Variants in ATP8B4 observed in about 807,000 individuals in gnomAD.
ATP8B4 encodes the protein probable phospholipid-transporting ATPase IM.
A neutral mutation model predicts 145.6 loss-of-function variants in ATP8B4; 133 were observed. That is an observed-to-expected ratio of 0.91 (90% confidence interval 0.79 to 1.05). The LOEUF is 1.05. Ranked by LOEUF, ATP8B4 falls within the 50% of genes least tolerant of loss-of-function variation. ATP8B4 has a pLI of 0.00. For synonymous variants in ATP8B4, 507 were observed against 492.9 expected (o/e 1.03, Z -0.38); for missense variants, 1,458 against 1,425.2 (o/e 1.02, Z -0.37).
chr15:50,007,972 G>A (rs1451401340), intron 7 of ATP8B4, among the ~76,000 whole-genome samples: 5 of 152,168 alleles, frequency 3.3e-5, no homozygotes, highest in Non-Finnish European at 7.3e-5. Context: ...ACATTTGTAG[G>A]AGTCAAACAG....
At chr15:49,990,106 T>C (rs2046933526) in intron 9 of ATP8B4, among the ~76,000 whole-genome samples, 1 of 152,108 alleles carries the variant, frequency 6.6e-6, no homozygotes, top group Non-Finnish European at 1.5e-5. Flanking sequence ...CGGGGCTTAG[T>C]TTGGCCTAAA....
intron 16 of ATP8B4, among the ~76,000 whole-genome samples, chr15:49,925,512 G>A (rs1884895802): frequency 6.6e-6 from 1 of 152,080 alleles, no homozygotes; most frequent in African/African-American, 2.4e-5. Context: ...GTTCCCTAAG[G>A]TTCCCTGGAC....
At chr15:50,168,012 G>A (rs62020290) in intron 1 of ATP8B4, among the ~76,000 whole-genome samples, 45 of 151,724 alleles carry the variant, frequency 3.0e-4, no homozygotes, top group Non-Finnish European at 5.3e-4. Flanking sequence ...AATTCCATAG[G>A]AATAAATGAG....
At chr15:49,861,473 T>TCTATCTAC (rs1285604644) in intron 27 of ATP8B4, among the ~76,000 whole-genome samples, 137 of 135,680 alleles carry the variant, frequency 1.0e-3, no homozygotes, top group African/African-American at 2.5e-3. Flanking sequence ...TATCTATCTA[T>TCTATCTAC]CTACCTACCT....
chr15:50,066,803 T>G (rs2053414087), intron 3 of ATP8B4, among the ~76,000 whole-genome samples: 1 of 152,002 alleles, frequency 6.6e-6, no homozygotes, highest in African/African-American at 2.4e-5. Context: ...GTTTGTGGGG[T>G]TTTTTTCTGC....
At chr15:50,164,653 C>T (rs555322018) in intron 1 of ATP8B4, among the ~76,000 whole-genome samples, 1 of 152,296 alleles carries the variant, frequency 6.6e-6, no homozygotes, top group African/African-American at 2.4e-5. Context: ...GGCTCTAAGC[C>T]CAGGACAGTA....
intron 12 of ATP8B4, among the ~76,000 whole-genome samples, chr15:49,973,299 C>G (rs1434187590): frequency 6.6e-6 from 1 of 152,160 alleles, no homozygotes; most frequent in East Asian, 1.9e-4. Flanking sequence ...GTTTGCACTC[C>G]TTTGAGAATC....
intron 24 of ATP8B4, among the ~76,000 whole-genome samples, chr15:49,877,873 T>C (rs1247874596): frequency 1.3e-5 from 2 of 152,188 alleles, no homozygotes; most frequent in African/African-American, 4.8e-5. Context: ...ATAGCAATAA[T>C]GTAGCAACCT....
rs758342994 is a variant in ATP8B4 at position 49,901,102 on chromosome 15, C to T, written c.2279G>A (p.Gly760Asp). Residue 760 changes from glycine to aspartate, a missense_variant, in exon 21 of 28, where the codon GGC (glycine) becomes GAC (aspartate). Gly to Asp is a moderately conservative substitution (Grantham distance 94). Transcript: ENST00000284509. ...CTTAGGCAAACTCACCAAACTGTGG[C>T]CATTTATGATTAAGGCATAATCTCC... is the stretch of plus-strand genomic sequence containing the variant. Reference protein sequence around the residue: ...ITGDYALIINGHSLAHALESD... With the variant: ...ITGDYALIINDHSLAHALESD... 6.8e-6 allele frequency: 11 copies of T among 1,612,238 alleles called. No homozygotes were observed. The Admixed American group carries it at 1.7e-4, about 25-fold the overall frequency.
rs944154614 is a variant in ATP8B4, at chr15:49,863,194, C to A, written c.3167-819G>T. Among the ~76,000 whole-genome samples the A allele has an allele frequency of 5.5e-4, 83 of 152,260 alleles. 1 individual carries two copies. The highest frequency in any genetic ancestry group is 1.8e-3 in the African/African-American group (73 of 41,554). ...CCTGCCTCAGAGGAACTTGTTATTT[C>A]TCTATTGTTCACTTGGTTATGAAGT... On this transcript the variant is annotated intron_variant, in intron 26 of 27. Transcript: ENST00000284509.
At chr15:49,880,928 T>C (rs892311307) in intron 23 of ATP8B4, among the ~76,000 whole-genome samples, 2 of 151,630 alleles carry the variant, frequency 1.3e-5, no homozygotes, top group East Asian at 1.9e-4. Flanking sequence ...CTGGCTAACA[T>C]GGTGAAACCC....
At chr15:50,112,064 T>C (rs2056974383) in intron 1 of ATP8B4, among the ~76,000 whole-genome samples, 1 of 152,104 alleles carries the variant, frequency 6.6e-6, no homozygotes, top group South Asian at 2.1e-4. Context: ...AGAGAAGCTC[T>C]GTTTGCAGTG....
intron 6 of ATP8B4, among the ~76,000 whole-genome samples, chr15:50,025,475 A>C (rs2049939234): frequency 6.6e-6 from 1 of 152,108 alleles, no homozygotes; most frequent in African/African-American, 2.4e-5. Flanking sequence ...GGACCTTTGC[A>C]CATGATTTTC....
chr15:50,026,361 AAT>A (rs2050006539), intron 6 of ATP8B4, among the ~76,000 whole-genome samples: 1 of 152,184 alleles, frequency 6.6e-6, no homozygotes, highest in South Asian at 2.1e-4. Context: ...GCTCATTAAA[AAT>A]AGAGTCCTCA....
rs1297436745 is a variant in ATP8B4 at position 50,017,981 on chromosome 15, C to CT, written c.363-7065dup. The stretch of plus-strand genomic sequence containing the variant: ...AATGGGATAGCACATAAGTCGAATT[C>CT]TTTTTTTTTCTTTTTTTTTTTTTTG... On this transcript the variant is annotated intron_variant, in intron 6 of 27. Coordinates refer to ENST00000284509, the MANE Select transcript of ATP8B4 (RefSeq NM_024837.4). Among the ~76,000 whole-genome samples, 191 of 84,554 alleles carry CT rather than the reference C, an allele frequency of 2.3e-3. No homozygotes were observed. In the Middle Eastern group the frequency reaches 0.028, roughly 12 times the overall value. The allele number at this position is 84,554 out of a possible 152,430, so 55.5% of individuals were successfully genotyped here. A position where few individuals can be genotyped will look rare whatever the true frequency, so the allele number is the denominator to read the frequency against.
intron 6 of ATP8B4, among the ~76,000 whole-genome samples, chr15:50,020,200 T>C (rs979282478): frequency 2.6e-5 from 4 of 151,788 alleles, no homozygotes; most frequent in African/African-American, 7.3e-5. Flanking sequence ...AGTGATCTGC[T>C]TGCCTTGGCC....
chr15:49,956,630 C>T (rs1175048578), intron 14 of ATP8B4, among the ~76,000 whole-genome samples: 1 of 152,188 alleles, frequency 6.6e-6, no homozygotes, highest in Non-Finnish European at 1.5e-5. Context: ...CAGCCTGGAA[C>T]TGATGGACTC....
At chr15:50,152,543 G>C (rs950589619) in intron 1 of ATP8B4, among the ~76,000 whole-genome samples, 9 of 152,030 alleles carry the variant, frequency 5.9e-5, no homozygotes, top group Non-Finnish European at 8.8e-5. Context: ...GAGAGATACA[G>C]TCCTTGAGGC....
chr15:50,013,871 T>C (rs1379567091), intron 6 of ATP8B4, among the ~76,000 whole-genome samples: 1 of 152,168 alleles, frequency 6.6e-6, no homozygotes, highest in Non-Finnish European at 1.5e-5. Flanking sequence ...AGGCATAGCA[T>C]ACTAAGAGCT....
Sources: gnomAD v4.1 joint callset for allele counts (sites outside exome capture counted in the v4.1 genomes callset) on GRCh38, gnomAD v4.1.1 for gene constraint, MANE v1.5 for transcripts, NCBI Gene and HGNC (gene_info 2026-07-23, HGNC 2026-07-21) for gene names.